The following NPAT variants were observed in gnomAD, a reference collection of about 807,000 sequenced individuals.
NPAT encodes the protein protein NPAT.
NPAT carries 52 observed loss-of-function variants against 130.7 expected under a neutral mutation model. That is an observed-to-expected ratio of 0.40 (90% CI 0.32 to 0.50). The LOEUF (loss-of-function observed/expected upper bound fraction) is 0.50, where lower values mean the gene tolerates loss of function less well. Among genes scored for constraint, NPAT ranks in the 20% least tolerant of loss-of-function variants. NPAT has a pLI of 0.68. For synonymous variants in NPAT, 580 were observed against 584.8 expected (o/e 0.99, Z 0.12); for missense variants, 1,687 against 1,662.6 (o/e 1.01, Z -0.26).
chr11:108,177,936 G>A (rs1395563020), intron 10 of NPAT, among the ~76,000 whole-genome samples: 2 of 152,064 alleles, frequency 1.3e-5, no homozygotes, highest in Non-Finnish European at 2.9e-5. Context: ...GCCCAGGCTG[G>A]TCTTGAACTC....
chr11:108,221,291 TA>T (rs770864422), intron 1 of NPAT, among the ~76,000 whole-genome samples: 38 of 152,214 alleles, frequency 2.5e-4, no homozygotes, highest in Non-Finnish European at 3.8e-4. Flanking sequence ...CTCCCCACAA[TA>T]AAGAATTATG....
chr11:108,190,194 T>C (rs2078153277), intron 5 of NPAT, among the ~76,000 whole-genome samples: 1 of 150,910 alleles, frequency 6.6e-6, no homozygotes, highest in African/African-American at 2.4e-5. Context: ...ACGCCTGTAG[T>C]CCCAGCTACT....
chr11:108,191,399 TCA>T (rs1226785441), intron 4 of NPAT, among the ~76,000 whole-genome samples: 1 of 152,142 alleles, frequency 6.6e-6, no homozygotes, highest in Non-Finnish European at 1.5e-5. Flanking sequence ...TTCGATAAAG[TCA>T]CAGACACGGT....
chr11:108,222,268 T>TC (rs1479940906), intron 1 of NPAT, among the ~76,000 whole-genome samples: 2 of 152,000 alleles, frequency 1.3e-5, no homozygotes, highest in Non-Finnish European at 2.9e-5. Context: ...ACCCCGAGCT[T>TC]CCCCTCGGGC....
chr11:108,165,470 A>AT (rs1196381941), intron 15 of NPAT, among the ~76,000 whole-genome samples: 12,857 of 117,524 alleles, frequency 0.11, 649 homozygotes, highest in African/African-American at 0.13. Flanking sequence ...ATATATATAT[A>AT]TATTTTTTTT....
intron 17 of NPAT, among the ~76,000 whole-genome samples, chr11:108,160,437 T>A (rs2077835367): frequency 6.6e-6 from 1 of 152,066 alleles, no homozygotes; most frequent in Non-Finnish European, 1.5e-5. Flanking sequence ...AAACTGAACA[T>A]CTAAGAACAA....
chr11:108,205,703 G>A (rs1172835898), intron 1 of NPAT, among the ~76,000 whole-genome samples: 2 of 152,154 alleles, frequency 1.3e-5, no homozygotes, highest in African/African-American at 2.4e-5. Context: ...ACTCCTTCAG[G>A]CTAAAATGAG....
intron 7 of NPAT, 115 bp downstream of exon 7, chr11:108,187,983 G>C: frequency 1.3e-6 from 1 of 771,548 alleles, no homozygotes; most frequent in South Asian, 1.5e-5. Flanking sequence ...TTCTAATATA[G>C]ATCAGAACAT....
intron 1 of NPAT, among the ~76,000 whole-genome samples, chr11:108,220,736 T>C (rs538798552): frequency 6.6e-5 from 10 of 152,338 alleles, no homozygotes; most frequent in African/African-American, 2.4e-4. Context: ...CTTTTTTGTA[T>C]TGTATACTCC....
chr11:108,159,943 G>T (rs1056875980), intron 17 of NPAT, among the ~76,000 whole-genome samples: 2 of 151,854 alleles, frequency 1.3e-5, no homozygotes, highest in African/African-American at 4.8e-5. Context: ...ACAAGGTCAG[G>T]AGTTCAAGAC....
In NPAT at chr11:108,173,079, T is replaced by A; in HGVS notation, c.1905A>T (p.Pro635=). The A allele has an allele frequency of 1.2e-6, 2 of 1,614,110 alleles. No individual in the cohort carries two copies. Among genetic ancestry groups the A allele is most frequent in the Non-Finnish European group, 1.7e-6 (2 of 1,180,016 alleles). The change falls in exon 13 of 18, where the codon CCA becomes CCT. Residue 635 remains proline (P), a synonymous_variant. Coordinates refer to ENST00000278612, the MANE Select transcript of NPAT (RefSeq NM_002519.3). ...ACTCAACAGATGCTGAATCATTAGA[T>A]GGTTGTTTAGTAGAAGACAGCGAAT... The part of the protein sequence containing the change: ...LGDSLSSTKQ[P]SNDSASVELN...
At chr11:108,183,515 A>G (rs963208291) in intron 10 of NPAT, among the ~76,000 whole-genome samples, 6 of 152,168 alleles carry the variant, frequency 3.9e-5, no homozygotes, top group African/African-American at 1.2e-4. Flanking sequence ...CAAAAAGGGT[A>G]CTTGGGTCAG....
At chr11:108,192,428 G>T (rs1048221444) in intron 3 of NPAT, among the ~76,000 whole-genome samples, 45 of 151,996 alleles carry the variant, frequency 3.0e-4, no homozygotes, top group African/African-American at 9.9e-4. Flanking sequence ...AATCTCTGAA[G>T]CATTTTTTGG....
chr11:108,171,953 T>C (rs886355873), intron 13 of NPAT: 7 of 506,734 alleles, frequency 1.4e-5, no homozygotes, highest in Admixed American at 6.6e-5. Context: ...TACTAGCACA[T>C]AGATTGAGAA....
intron 10 of NPAT, among the ~76,000 whole-genome samples, chr11:108,185,020 T>C (rs1368476342): frequency 6.6e-6 from 1 of 152,228 alleles, no homozygotes; most frequent in Non-Finnish European, 1.5e-5. Flanking sequence ...ATAGATTCTA[T>C]TTTAAGTCAT....
chr11:108,184,155 A>C (rs1304735708), intron 10 of NPAT, among the ~76,000 whole-genome samples: 8 of 152,046 alleles, frequency 5.3e-5, no homozygotes, highest in Admixed American at 2.6e-4. Flanking sequence ...TTTGGTTAGC[A>C]ATCTTTCTTT....
chr11:108,190,576 G>T, intron 4 of NPAT, 76 bp from the exon 5 acceptor site: 1 of 1,335,322 alleles, frequency 7.5e-7, no homozygotes, highest in Non-Finnish European at 1.1e-6. Flanking sequence ...GTTACAGTCA[G>T]ACCTCAAGTT....
intron 2 of NPAT, among the ~76,000 whole-genome samples, chr11:108,194,444 A>C (rs1310463336): frequency 6.6e-6 from 1 of 152,236 alleles, no homozygotes; most frequent in Admixed American, 6.5e-5. Context: ...ACAGTGAGAA[A>C]TCTGGCTCCC....
intron 1 of NPAT, among the ~76,000 whole-genome samples, chr11:108,200,772 TTAA>T (rs2078268935): frequency 6.6e-6 from 1 of 152,208 alleles, no homozygotes; most frequent in Admixed American, 6.5e-5. Context: ...CTCTGCCTCA[TTAA>T]TGAGGCTGTG....
Sources: allele counts gnomAD v4.1 joint callset (sites outside exome capture counted in the v4.1 genomes callset), GRCh38; gene constraint gnomAD v4.1.1; transcripts MANE v1.5; gene names NCBI Gene and HGNC (gene_info 2026-07-23, HGNC 2026-07-21).